Variants in SH3GL2 observed in about 807,000 individuals in gnomAD.
The protein encoded by SH3GL2 is endophilin-A1.
A neutral mutation model predicts 46.0 loss-of-function variants in SH3GL2; 24 were observed. The ratio of observed to expected loss-of-function variants is 0.52; its 90% confidence interval spans 0.38 to 0.73. The LOEUF (loss-of-function observed/expected upper bound fraction) is 0.73. Among genes scored for constraint, SH3GL2 ranks in the 30% least tolerant of loss-of-function variants. SH3GL2 has a pLI of 0.00. For synonymous variants in SH3GL2, 196 were observed against 147.1 expected (o/e 1.33, Z -2.40); for missense variants, 413 against 424.2 (o/e 0.97, Z 0.23).
At chr9:17,633,260 C>T (rs1194111073) in intron 1 of SH3GL2, among the ~76,000 whole-genome samples, 1 of 152,164 alleles carries the variant, frequency 6.6e-6, no homozygotes, top group African/African-American at 2.4e-5. Context: ...GGTACCTGCC[C>T]TTCTTGGCAG....
intron 2 of SH3GL2, among the ~76,000 whole-genome samples, chr9:17,756,632 A>G (rs1454647675): frequency 2.6e-5 from 4 of 151,892 alleles, no homozygotes; most frequent in African/African-American, 9.7e-5. Flanking sequence ...AGCTTCATCC[A>G]CGTCCCTACA....
chr9:17,635,033 G>A lies in SH3GL2; in HGVS notation c.45+55746G>A, dbSNP rs1022882860. On this transcript the variant is annotated intron_variant, in intron 1 of 8. Transcript: ENST00000380607. ...TGGGCAAGATGTGCAGGTTTGTTAT[G>A]TAGGTAAATGTGTGTCATGGGAGTT... is the stretch of plus-strand genomic sequence containing the variant. Among the ~76,000 whole-genome samples, 8 of 152,244 alleles carry A rather than the reference G, an allele frequency of 5.3e-5. 1 individual carries two copies. The highest frequency in any genetic ancestry group is 6.8e-3 in the Middle Eastern group (2 of 294).
chr9:17,610,113 C>G (rs540923033), intron 1 of SH3GL2, among the ~76,000 whole-genome samples: 123 of 152,332 alleles, frequency 8.1e-4, no homozygotes, highest in African/African-American at 2.6e-3. Flanking sequence ...GGAGGCCCAG[C>G]TTTATTCTAG....
intron 1 of SH3GL2, among the ~76,000 whole-genome samples, chr9:17,648,097 A>T (rs1466679770): frequency 6.6e-6 from 1 of 152,198 alleles, no homozygotes; most frequent in East Asian, 1.9e-4. Context: ...AACATACAAA[A>T]TGTGTTCATA....
intron 1 of SH3GL2, among the ~76,000 whole-genome samples, chr9:17,743,641 G>C (rs3824374): frequency 2.0e-5 from 3 of 150,878 alleles, no homozygotes; most frequent in East Asian, 3.9e-4. Context: ...ATTTGACCCC[G>C]TTGTGTTATC....
At chr9:17,645,149 T>G (rs982674399) in intron 1 of SH3GL2, among the ~76,000 whole-genome samples, 2 of 116,362 alleles carry the variant, frequency 1.7e-5, no homozygotes, top group African/African-American at 6.4e-5. Context: ...TTGCAAACGC[T>G]GCTTTTTTTT....
intron 1 of SH3GL2, among the ~76,000 whole-genome samples, chr9:17,600,426 G>C (rs1009783215): frequency 6.6e-6 from 1 of 152,206 alleles, no homozygotes; most frequent in Non-Finnish European, 1.5e-5. Context: ...CTTTCTCAGG[G>C]AGACGGTTAA....
intron 1 of SH3GL2, among the ~76,000 whole-genome samples, chr9:17,623,424 A>G (rs139532243): frequency 1.0e-3 from 157 of 152,208 alleles, no homozygotes; most frequent in Middle Eastern, 3.4e-3. Context: ...TAGACTGAGA[A>G]CAAAATGACC....
chr9:17,607,886 G>A (rs1017403386), intron 1 of SH3GL2, among the ~76,000 whole-genome samples: 4 of 152,094 alleles, frequency 2.6e-5, no homozygotes, highest in African/African-American at 9.7e-5. Context: ...AAATGAATGG[G>A]TTAAATACTG....
intron 1 of SH3GL2, among the ~76,000 whole-genome samples, chr9:17,722,049 G>A (rs960206327): frequency 8.6e-5 from 13 of 151,990 alleles, no homozygotes; most frequent in South Asian, 2.1e-4. Flanking sequence ...TCTCTACGTT[G>A]CTATATCCAC....
At chr9:17,741,745 A>G (rs1411588678) in intron 1 of SH3GL2, among the ~76,000 whole-genome samples, 1 of 152,244 alleles carries the variant, frequency 6.6e-6, no homozygotes, top group Non-Finnish European at 1.5e-5. Flanking sequence ...AACCTGTGAT[A>G]TATGATCTCT....
rs1427320824 is a variant in SH3GL2, at chr9:17,796,109, G to T, written c.*366G>T. ...CTATCACCCCAGGGGCCATCTGAAG[G>T]TCTCTTTGCATTTCTCCATGCAAAG... On this transcript the variant is annotated 3_prime_UTR_variant, in exon 9 of 9. Transcript: ENST00000380607. The T allele has an allele frequency of 5.3e-6, 1 of 188,268 alleles. No individual in the cohort carries two copies. Among genetic ancestry groups the T allele is most frequent in the Non-Finnish European group, 1.1e-5 (1 of 91,252 alleles). The allele number at this position is 188,268 out of a possible 1,614,324, so 11.7% of individuals were successfully genotyped here. A position where few individuals can be genotyped will look rare whatever the true frequency, so the allele number is the denominator to read the frequency against.
chr9:17,772,652 T>G (rs1229537158), intron 3 of SH3GL2, among the ~76,000 whole-genome samples: 1 of 152,228 alleles, frequency 6.6e-6, no homozygotes, highest in Admixed American at 6.5e-5. Flanking sequence ...GGTTTACTTA[T>G]GTAATAGTGT....
At chr9:17,606,739 G>A (rs1371327507) in intron 1 of SH3GL2, among the ~76,000 whole-genome samples, 1 of 152,188 alleles carries the variant, frequency 6.6e-6, no homozygotes, top group East Asian at 1.9e-4. Flanking sequence ...AATTAGGGGA[G>A]TAAAGGTGAA....
chr9:17,750,160 C>G (rs1026049489), intron 2 of SH3GL2, among the ~76,000 whole-genome samples: 1 of 152,164 alleles, frequency 6.6e-6, no homozygotes, highest in Non-Finnish European at 1.5e-5. Flanking sequence ...TGGATTTAGA[C>G]TCTCAAATCT....
At chr9:17,607,832 T>C (rs1818788122) in intron 1 of SH3GL2, among the ~76,000 whole-genome samples, 1 of 152,172 alleles carries the variant, frequency 6.6e-6, no homozygotes. Flanking sequence ...GAAATGAAAA[T>C]AATGAATGGT....
intron 3 of SH3GL2, among the ~76,000 whole-genome samples, chr9:17,782,162 A>G (rs1823828101): frequency 1.3e-5 from 2 of 152,188 alleles, no homozygotes; most frequent in Admixed American, 6.6e-5. Context: ...TCTTCTGTAT[A>G]GGGAATGCAT....
At chr9:17,633,912 G>A (rs1313098501) in intron 1 of SH3GL2, among the ~76,000 whole-genome samples, 1 of 152,108 alleles carries the variant, frequency 6.6e-6, no homozygotes, top group East Asian at 1.9e-4. Flanking sequence ...TGTGCCTTCA[G>A]TGTCCTTTGG....
intron 3 of SH3GL2, among the ~76,000 whole-genome samples, chr9:17,762,897 C>T (rs575062521): frequency 3.7e-4 from 57 of 152,254 alleles, no homozygotes; most frequent in East Asian, 1.4e-3. Context: ...CCTGCTTCCC[C>T]GCAAGAAATC....
Sources: allele counts gnomAD v4.1 joint callset (sites outside exome capture counted in the v4.1 genomes callset), GRCh38; gene constraint gnomAD v4.1.1; transcripts MANE v1.5; gene names NCBI Gene and HGNC (gene_info 2026-07-23, HGNC 2026-07-21).